NRG3: variants seen among roughly 807,000 people sequenced by gnomAD.
NRG3 encodes neuregulin 3.
Under a neutral mutation model 66.9 loss-of-function variants are expected in NRG3, and 31 were observed. That is an observed-to-expected ratio of 0.46 (90% CI 0.35 to 0.63). The LOEUF is 0.63. NRG3 is among the 20% of genes least tolerant of loss of function. The pLI is 0.00. For synonymous variants in NRG3, 393 were observed against 359.4 expected (o/e 1.09, Z -1.06); for missense variants, 910 against 878.9 (o/e 1.04, Z -0.45).
intron 3 of NRG3, among the ~76,000 whole-genome samples, chr10:82,759,192 C>CTT (rs1460370956): frequency 6.6e-6 from 1 of 151,862 alleles, no homozygotes; most frequent in African/African-American, 2.4e-5. Flanking sequence ...CTCTCTCTCT[C>CTT]TCTTACTTCC....
At chr10:82,518,976 A>G (rs1045224055) in intron 2 of NRG3, among the ~76,000 whole-genome samples, 1 of 152,182 alleles carries the variant, frequency 6.6e-6, no homozygotes, top group South Asian at 2.1e-4. Flanking sequence ...TCCCCTATGA[A>G]TCAATGTAAT....
chr10:82,557,055 G>T (rs754344221), intron 2 of NRG3, among the ~76,000 whole-genome samples: 1 of 152,144 alleles, frequency 6.6e-6, no homozygotes, highest in Non-Finnish European at 1.5e-5. Context: ...GGGCGTTGAG[G>T]TTGATTCCAT....
rs866441178 is a variant in NRG3 at position 82,613,737 on chromosome 10, G to A, written c.954-124840G>A. 2.4e-4 allele frequency among the ~76,000 whole-genome samples: 37 copies of A among 151,100 alleles called. No homozygotes were observed. In the Middle Eastern group the frequency reaches 0.01, roughly 42 times the overall value. ...GTTTTAGGGTACATGTGCATAATGT[G>A]CAGGTTAGTTACGTATGTATACATG... is the stretch of plus-strand genomic sequence containing the variant. On this transcript the variant is annotated intron_variant, in intron 2 of 8. Coordinates refer to ENST00000372141, the MANE Select transcript of NRG3 (RefSeq NM_001010848.4).
intron 1 of NRG3, among the ~76,000 whole-genome samples, chr10:82,050,268 A>G (rs1280703055): frequency 6.6e-6 from 1 of 151,996 alleles, no homozygotes; most frequent in Non-Finnish European, 1.5e-5. Flanking sequence ...TTAATTATAG[A>G]TTGGTGCAAA....
At chr10:82,703,383 A>G (rs1306177014) in intron 2 of NRG3, among the ~76,000 whole-genome samples, 3 of 152,152 alleles carry the variant, frequency 2.0e-5, no homozygotes, top group Non-Finnish European at 4.4e-5. Flanking sequence ...CTTACACTCA[A>G]TGACCCTAAC....
At chr10:82,782,017 T>C (rs2060136278) in intron 3 of NRG3, among the ~76,000 whole-genome samples, 1 of 152,144 alleles carries the variant, frequency 6.6e-6, no homozygotes, top group African/African-American at 2.4e-5. Flanking sequence ...TGAGAAGCAC[T>C]TTCAGATTTT....
chr10:82,219,542 A>G (rs1481865274), intron 1 of NRG3, among the ~76,000 whole-genome samples: 1 of 151,966 alleles, frequency 6.6e-6, no homozygotes, highest in African/African-American at 2.4e-5. Flanking sequence ...TGGGCCCTCA[A>G]TATATATTTG....
chr10:82,767,356 C>A (rs974970621), intron 3 of NRG3, among the ~76,000 whole-genome samples: 5 of 151,908 alleles, frequency 3.3e-5, no homozygotes, highest in African/African-American at 1.2e-4. Flanking sequence ...TTTGTTTTTC[C>A]TCCTTTGGCT....
Position 82,058,392 on chromosome 10 carries a change from G to A in NRG3, c.823+182229G>A, listed in dbSNP as rs895776519. ...CCATGCTTAGAAAATTGTCTCCGTCGATACCATAAAATTATTTTTTAATCT... is the reference window on the plus strand; with the variant it reads ...CCATGCTTAGAAAATTGTCTCCGTCAATACCATAAAATTATTTTTTAATCT... On this transcript the variant is annotated intron_variant, in intron 1 of 8. Transcript: ENST00000372141. Among the ~76,000 whole-genome samples the A allele has an allele frequency of 5.3e-5, 8 of 151,714 alleles. 1 individual carries two copies. The South Asian group carries it at 1.7e-3, about 32-fold the overall frequency.
intron 1 of NRG3, among the ~76,000 whole-genome samples, chr10:82,201,516 A>G (rs1190982191): frequency 1.3e-5 from 2 of 152,180 alleles, no homozygotes; most frequent in East Asian, 1.9e-4. Context: ...AATCTACTAC[A>G]GGAGACCAGC....
chr10:81,876,347 T>TG (rs987896717), intron 1 of NRG3, among the ~76,000 whole-genome samples, 184 bp downstream of exon 1: 5 of 152,194 alleles, frequency 3.3e-5, no homozygotes, highest in African/African-American at 9.6e-5. Flanking sequence ...GCTCTGGTTC[T>TG]GGGGGGGTGG....
Position 82,683,602 on chromosome 10 carries a change from A to T in NRG3, c.954-54975A>T, listed in dbSNP as rs146602218. On this transcript the variant is annotated intron_variant, in intron 2 of 8. Transcript: ENST00000372141. The stretch of plus-strand genomic sequence containing the variant: ...AAATGGCTAAGGAGGCTTACATGAG[A>T]TTTTCAGCAAAGTTCCAAGAATTGA... Among the ~76,000 whole-genome samples the T allele has an allele frequency of 1.1e-3, 164 of 152,272 alleles. 5 individuals carry two copies. In the East Asian group the frequency reaches 0.028, roughly 26 times the overall value.
intron 2 of NRG3, among the ~76,000 whole-genome samples, chr10:82,509,990 C>T (rs1845026967): frequency 6.6e-6 from 1 of 152,144 alleles, no homozygotes; most frequent in Admixed American, 6.5e-5. Context: ...TCTCCCTGCA[C>T]TTCCCTCCCT....
chr10:82,737,214 C>A (rs1037377286), intron 2 of NRG3, among the ~76,000 whole-genome samples: 15 of 152,184 alleles, frequency 9.9e-5, no homozygotes, highest in Middle Eastern at 3.4e-3. Context: ...TATTGGAGGT[C>A]TGTGTTCTCA....
intron 1 of NRG3, among the ~76,000 whole-genome samples, chr10:81,945,884 G>C (rs1490408284): frequency 1.3e-5 from 2 of 152,132 alleles, no homozygotes; most frequent in Non-Finnish European, 2.9e-5. Flanking sequence ...AGGCAGAAAT[G>C]AGATTGATGT....
intron 1 of NRG3, among the ~76,000 whole-genome samples, chr10:81,939,346 T>C (rs886901581): frequency 1.3e-5 from 2 of 152,072 alleles, no homozygotes; most frequent in African/African-American, 4.8e-5. Flanking sequence ...CTGGTGTTAA[T>C]TCTTCCTTCA....
At chr10:81,926,945 A>G (rs975233265) in intron 1 of NRG3, among the ~76,000 whole-genome samples, 1 of 152,218 alleles carries the variant, frequency 6.6e-6, no homozygotes, top group Non-Finnish European at 1.5e-5. Context: ...GATAAAGTGC[A>G]TAAAGGGCCG....
At chr10:82,323,001 C>T (rs1184662340) in intron 1 of NRG3, among the ~76,000 whole-genome samples, 7 of 151,910 alleles carry the variant, frequency 4.6e-5, no homozygotes, top group Non-Finnish European at 5.9e-5. Context: ...ATGTTACTAA[C>T]GGGTAAGAAT....
intron 1 of NRG3, among the ~76,000 whole-genome samples, chr10:82,040,628 A>G (rs1312359620): frequency 6.6e-6 from 1 of 152,014 alleles, no homozygotes; most frequent in Non-Finnish European, 1.5e-5. Flanking sequence ...AGAATAAGGC[A>G]GGAGAAGAAC....
Sources: gnomAD v4.1 joint callset for allele counts (sites outside exome capture counted in the v4.1 genomes callset) on GRCh38, gnomAD v4.1.1 for gene constraint, MANE v1.5 for transcripts, NCBI Gene and HGNC (gene_info 2026-07-23, HGNC 2026-07-21) for gene names.